OPHN1: variants seen among roughly 807,000 people sequenced by gnomAD.
OPHN1 encodes oligophrenin-1.
In OPHN1, 11 loss-of-function variants were observed where a neutral mutation model predicts 60.7. The ratio of observed to expected loss-of-function variants is 0.18; its 90% confidence interval spans 0.11 to 0.30. The LOEUF is 0.30. Among genes scored for constraint, OPHN1 ranks in the 10% least tolerant of loss-of-function variants. The pLI is 1.00. For missense variants in OPHN1, 449 were observed against 611.0 expected (o/e 0.73, Z 2.80); for synonymous variants, 226 against 222.6 (o/e 1.02, Z -0.14).
At chrX:68,379,227 C>G (rs2078580484) in intron 2 of OPHN1, among the ~76,000 whole-genome samples, 1 of 110,757 alleles carries the variant, frequency 9.0e-6, no homozygotes, top group Admixed American at 9.7e-5. Flanking sequence ...TGATTTGGCT[C>G]TCTGTCTGTT....
chrX:68,356,128 C>G lies in OPHN1; in HGVS notation c.155-57032G>C, dbSNP rs7890843. ...CACGGTGCCCAAATATGTGGTCAAA[C>G]GTTATTCTGGATGTTTCTGTAGGGG... On this transcript the variant is annotated intron_variant, in intron 2 of 24. Coordinates refer to ENST00000355520, the MANE Select transcript of OPHN1 (RefSeq NM_002547.3). Among the ~76,000 whole-genome samples, 339 of 110,129 alleles carry G rather than the reference C, an allele frequency of 3.1e-3. 1 individual carries two copies. Among genetic ancestry groups the G allele is most frequent in the African/African-American group, 0.011 (321 of 30,427 alleles).
intron 19 of OPHN1, among the ~76,000 whole-genome samples, chrX:68,095,893 C>A (rs776842650): frequency 1.1e-3 from 121 of 111,861 alleles, no homozygotes; most frequent in African/African-American, 3.8e-3. Context: ...CTTTGTTTTA[C>A]CTTTTGTACT....
chrX:68,277,619 G>C (rs1257613412), intron 4 of OPHN1, among the ~76,000 whole-genome samples: 1 of 110,832 alleles, frequency 9.0e-6, no homozygotes. Flanking sequence ...GTGAAACCCC[G>C]TCTCTGCTAC....
chrX:68,351,747 AGTG>A (rs779161830), intron 2 of OPHN1, among the ~76,000 whole-genome samples: 1 of 110,884 alleles, frequency 9.0e-6, no homozygotes, highest in South Asian at 3.9e-4. Context: ...CCCAGGCGGG[AGTG>A]CAGTGCCGCG....
chrX:68,424,976 TG>T (rs760531611), intron 2 of OPHN1, among the ~76,000 whole-genome samples: 5 of 112,277 alleles, frequency 4.5e-5, no homozygotes, highest in Non-Finnish European at 9.4e-5. Context: ...CCCATTATAT[TG>T]ATCTGAGTTA....
chrX:68,334,212 T>C (rs1215925314), intron 2 of OPHN1, among the ~76,000 whole-genome samples: 1 of 111,608 alleles, frequency 9.0e-6, no homozygotes, highest in Non-Finnish European at 1.9e-5. Context: ...CAGCATGTTT[T>C]AAATAGACTA....
chrX:68,072,341 C>T (rs1412559002), intron 20 of OPHN1, among the ~76,000 whole-genome samples: 1 of 111,772 alleles, frequency 8.9e-6, no homozygotes, highest in African/African-American at 3.3e-5. Context: ...AATGAGATCA[C>T]ACAGGAAAAG....
chrX:68,214,490 T>C (rs1319088959), intron 6 of OPHN1, among the ~76,000 whole-genome samples: 1 of 111,855 alleles, frequency 8.9e-6, no homozygotes, highest in Non-Finnish European at 1.9e-5. Context: ...AGTCAGACAA[T>C]GACAGCTACA....
At chrX:68,426,417 G>A (rs2078856215) in intron 2 of OPHN1, among the ~76,000 whole-genome samples, 1 of 105,967 alleles carries the variant, frequency 9.4e-6, no homozygotes, top group Non-Finnish European at 2.0e-5. Flanking sequence ...CTCCAGCCTG[G>A]GTGACTGAGT....
chrX:68,317,422 A>G (rs66961497), intron 2 of OPHN1, among the ~76,000 whole-genome samples: 4,613 of 89,658 alleles, frequency 0.051, 513 homozygotes, highest in African/African-American at 0.2. Context: ...GAAGGAAGGA[A>G]GGAGCGAGGG....
chrX:68,427,282 A>G (rs981897728), intron 2 of OPHN1, among the ~76,000 whole-genome samples: 44 of 109,333 alleles, frequency 4.0e-4, no homozygotes, highest in African/African-American at 1.5e-3. Flanking sequence ...AAAAAAAACA[A>G]CAACAACAAC....
intron 23 of OPHN1, among the ~76,000 whole-genome samples, chrX:68,049,110 A>G (rs1007873833): frequency 1.2e-4 from 13 of 111,158 alleles, no homozygotes; most frequent in Non-Finnish European, 2.3e-4. Context: ...ACAGGCTACT[A>G]TTCACATTGT....
intron 5 of OPHN1, among the ~76,000 whole-genome samples, chrX:68,267,574 C>T (rs1159715293): frequency 8.9e-6 from 1 of 112,167 alleles, no homozygotes; most frequent in East Asian, 2.8e-4. Flanking sequence ...CAAGAGAAAG[C>T]AGGAAAGATC....
At chrX:68,373,710 T>G (rs1176964459) in intron 2 of OPHN1, among the ~76,000 whole-genome samples, 2 of 112,167 alleles carry the variant, frequency 1.8e-5, no homozygotes, top group African/African-American at 6.5e-5. Flanking sequence ...AAATGAATAC[T>G]AATAATAACT....
chrX:68,050,974 A>C (rs1166556721), intron 23 of OPHN1, among the ~76,000 whole-genome samples: 3 of 112,048 alleles, frequency 2.7e-5, no homozygotes, highest in Admixed American at 1.9e-4. Context: ...TCTGACTTTC[A>C]TCTGCTATGG....
At chrX:68,339,095 T>G (rs2078338490) in intron 2 of OPHN1, among the ~76,000 whole-genome samples, 1 of 103,311 alleles carries the variant, frequency 9.7e-6, no homozygotes, top group Admixed American at 1.1e-4. Context: ...AAAATATATA[T>G]ATATATATAT....
chrX:68,369,268 C>T (rs746034400), intron 2 of OPHN1, among the ~76,000 whole-genome samples: 1 of 111,306 alleles, frequency 9.0e-6, no homozygotes, highest in African/African-American at 3.3e-5. Flanking sequence ...AGGAGGATCA[C>T]TTGAGATCAG....
chrX:68,322,848 A>C (rs764859543), intron 2 of OPHN1, among the ~76,000 whole-genome samples: 1 of 111,911 alleles, frequency 8.9e-6, no homozygotes, highest in African/African-American at 3.3e-5. Flanking sequence ...TAAATCAATT[A>C]TTGACATATG....
chrX:68,282,078 T>C (rs2078021640), intron 4 of OPHN1, among the ~76,000 whole-genome samples: 1 of 112,305 alleles, frequency 8.9e-6, no homozygotes, highest in Non-Finnish European at 1.9e-5. Context: ...ACACTCCTTA[T>C]TATTTAACCA....
Sources: gnomAD v4.1 joint callset for allele counts (sites outside exome capture counted in the v4.1 genomes callset) on GRCh38, gnomAD v4.1.1 for gene constraint, MANE v1.5 for transcripts, NCBI Gene and HGNC (gene_info 2026-07-23, HGNC 2026-07-21) for gene names.